LPL: variants seen among roughly 807,000 people sequenced by gnomAD.
LPL encodes phospholipase A1.
LPL carries 43 observed loss-of-function variants against 52.2 expected under a neutral mutation model. The observed-to-expected ratio is 0.82, with a 90% CI of 0.64 to 1.06. LPL has a LOEUF of 1.06. Ranked by LOEUF, LPL falls within the 50% of genes least tolerant of loss-of-function variation. The pLI, the probability that LPL is intolerant of heterozygous loss-of-function variation, is 0.00. For synonymous variants in LPL, 244 were observed against 215.6 expected, an observed-to-expected ratio of 1.13 and a Z score of -1.15; for missense variants, 639 against 585.3, an observed-to-expected ratio of 1.09 and a Z score of -0.95.
chr8:19,939,934 C>T lies in LPL; in HGVS notation c.88+406C>T, dbSNP rs976126905. ...GCCGGAGGGGCCCTGGAATGAAAGG[C>T]GCGCGGGCCAAGGTGACCTCGCCTT... On this transcript the variant is annotated intron_variant, in intron 1 of 9. Transcript: ENST00000650287. The surrounding 1 kb of genome is among the most constrained non-coding windows in gnomAD (Gnocchi z 4.0). 3.9e-5 allele frequency among the ~76,000 whole-genome samples: 6 copies of T among 152,202 alleles called. No homozygotes were observed. Among genetic ancestry groups the T allele is most frequent in the African/African-American group, 1.2e-4 (5 of 41,468 alleles).
rs2069929488 is a variant in LPL at position 19,950,947 on chromosome 8, A to AGGG, written c.250-822_250-821insGGG. ...GAAGGAAGGAAGGGAGGGAGGAAGA[A>AGGG]AGGAAGGAAGAACAAAGAAAAGAGA... On this transcript the variant is annotated intron_variant, in intron 2 of 9. Transcript: ENST00000650287. This position sits in a 1 kb window ranked among gnomAD's most constrained non-coding sequence, Gnocchi z 4.2. Among the ~76,000 whole-genome samples, 2 of 147,396 alleles carry AGGG rather than the reference A, an allele frequency of 1.4e-5. No homozygotes were observed. Among genetic ancestry groups the AGGG allele is most frequent in the African/African-American group, 2.4e-5 (1 of 41,034 alleles).
At chr8:19,960,785 T>G in intron 7 of LPL, 116 bp from the exon 8 acceptor site, 2 of 758,602 alleles carry the variant, frequency 2.6e-6, no homozygotes, top group Non-Finnish European at 4.5e-6. Flanking sequence ...TTTTTGTGCA[T>G]TTTTAAAATA....
chr8:19,962,143 T>C lies in LPL; in HGVS notation c.1351T>C (p.Ser451Pro). 6.2e-7 allele frequency: 1 copy of C among 1,613,750 alleles called. No homozygotes were observed. Among genetic ancestry groups the C allele is most frequent in the Non-Finnish European group, 8.5e-7 (1 of 1,179,692 alleles). ...KVIFCSREKV[S>P]HLQKGKAPAV... The stretch of plus-strand genomic sequence containing the variant: ...GATCTTCTGTTCTAGGGAGAAAGTG[T>C]CTCATTTGCAGAAAGGAAAGGCACC... Residue 451 changes from serine (S) to proline (P), a missense_variant, in exon 9 of 10, where the codon TCT becomes CCT. Coordinates refer to ENST00000650287, the MANE Select transcript of LPL (RefSeq NM_000237.3).
intron 3 of LPL, among the ~76,000 whole-genome samples, chr8:19,952,745 G>T (rs1224485091): frequency 6.6e-6 from 1 of 152,144 alleles, no homozygotes; most frequent in Non-Finnish European, 1.5e-5. Flanking sequence ...TAAATGAGGG[G>T]CTGGACCATG....
chr8:19,959,355 G>A lies in LPL; in HGVS notation c.1114G>A (p.Glu372Lys), dbSNP rs753984721. 9 of 1,614,102 alleles carry A rather than the reference G, an allele frequency of 5.6e-6. No homozygotes were observed. Among genetic ancestry groups the A allele is most frequent in the Non-Finnish European group, 7.6e-6 (9 of 1,180,010 alleles). ...GATTTCTCTGTATGGCACCGTGGCC[G>A]AGAGTGAGAACATCCCATTCACTCT... is the stretch of plus-strand genomic sequence containing the variant. ...FEISLYGTVA[E>K]SENIPFTLPE... Residue 372 changes from glutamate to lysine, a missense_variant, in exon 7 of 10, where the codon GAG (glutamate) becomes AAG (lysine). Coordinates refer to ENST00000650287, the MANE Select transcript of LPL (RefSeq NM_000237.3).
intron 3 of LPL, 49 bp downstream of exon 3, chr8:19,951,997 T>C: frequency 6.3e-7 from 1 of 1,599,296 alleles, no homozygotes; most frequent in Non-Finnish European, 8.6e-7. Flanking sequence ...TGTTTTTGAC[T>C]GGAGCCAGAA....
chr8:19,940,988 A>G (rs1158789218), intron 1 of LPL, among the ~76,000 whole-genome samples: 1 of 152,164 alleles, frequency 6.6e-6, no homozygotes, highest in Non-Finnish European at 1.5e-5. Context: ...CCAGATAGTC[A>G]GCAGGCTGAG....
chr8:19,948,832 T>G (rs1207823459), intron 2 of LPL, among the ~76,000 whole-genome samples: 1 of 151,978 alleles, frequency 6.6e-6, no homozygotes, highest in African/African-American at 2.4e-5. Flanking sequence ...TCTCTGGGCC[T>G]CCATTTACTG....
chr8:19,964,226 A>G (rs184858321), intron 9 of LPL, among the ~76,000 whole-genome samples: 1 of 152,276 alleles, frequency 6.6e-6, no homozygotes, highest in Admixed American at 6.5e-5. Flanking sequence ...TGCTGGGATT[A>G]TAGGTGTGAG....
intron 4 of LPL, among the ~76,000 whole-genome samples, 179 bp downstream of exon 4, chr8:19,953,600 T>C (rs1295094724): frequency 6.6e-6 from 1 of 152,166 alleles, no homozygotes; most frequent in Non-Finnish European, 1.5e-5. Flanking sequence ...ACACAGACGC[T>C]CTCACTGGCT....
At chr8:19,941,218 A>G (rs1466499097) in intron 1 of LPL, among the ~76,000 whole-genome samples, 2 of 152,254 alleles carry the variant, frequency 1.3e-5, no homozygotes, top group Admixed American at 6.5e-5. Flanking sequence ...AAAGTCTTCA[A>G]CATCTTAGGT....
In LPL at chr8:19,940,010, G is replaced by T. The variant is rs537278368; in HGVS notation, c.88+482G>T. On this transcript the variant is annotated intron_variant, in intron 1 of 9. Transcript: ENST00000650287. Reference sequence around the variant, plus strand: ...CCCGGGGACTCGCGGGCCGACTGTGGCCCCTTCTGGGGAAGCCGGGGCGCG... The same window carrying T: ...CCCGGGGACTCGCGGGCCGACTGTGTCCCCTTCTGGGGAAGCCGGGGCGCG... Among the ~76,000 whole-genome samples the T allele has an allele frequency of 2.4e-4, 37 of 152,320 alleles. 1 individual carries two copies. In the East Asian group the frequency reaches 7.2e-3, roughly 30 times the overall value.
At chr8:19,956,685 C>T (rs1340221100) in intron 6 of LPL, among the ~76,000 whole-genome samples, 1 of 152,130 alleles carries the variant, frequency 6.6e-6, no homozygotes, top group African/African-American at 2.4e-5. Flanking sequence ...CACAGCCACA[C>T]ACATTCATTA....
At chr8:19,946,422 TACTC>T (rs1054995684) in intron 1 of LPL, 10 of 166,774 alleles carry the variant, frequency 6.0e-5, no homozygotes, top group Middle Eastern at 8.1e-4. Context: ...AGAAAATAAT[TACTC>T]AATAGGAAAA....
intron 2 of LPL, chr8:19,951,564 C>G (rs1332653939): frequency 1.5e-6 from 1 of 666,728 alleles, no homozygotes. Context: ...CTCAACTCAA[C>G]TCAATGCCTT....
intron 1 of LPL, among the ~76,000 whole-genome samples, chr8:19,940,837 T>A (rs2069832027): frequency 6.6e-6 from 1 of 152,110 alleles, no homozygotes; most frequent in Non-Finnish European, 1.5e-5. Context: ...ACCCATGTAG[T>A]CCCAGCACTT....
chr8:19,962,536 G>T (rs1224323630), intron 9 of LPL, among the ~76,000 whole-genome samples: 1 of 151,988 alleles, frequency 6.6e-6, no homozygotes, highest in Non-Finnish European at 1.5e-5. Flanking sequence ...CTGCGTCTCT[G>T]CTGACTTTGC....
intron 2 of LPL, among the ~76,000 whole-genome samples, chr8:19,948,959 G>T (rs1217489353): frequency 1.1e-4 from 16 of 151,864 alleles, no homozygotes; most frequent in Admixed American, 9.8e-4. Context: ...GCTGGGCAGG[G>T]AACTGACATG....
At chr8:19,959,204 G>A in intron 6 of LPL, 56 bp from the exon 7 acceptor site, 1 of 1,611,596 alleles carries the variant, frequency 6.2e-7, no homozygotes, top group Non-Finnish European at 8.5e-7. Context: ...TGACTATTTG[G>A]GGTTGTGATA....
Sources: allele counts gnomAD v4.1 joint callset (sites outside exome capture counted in the v4.1 genomes callset), GRCh38; gene constraint gnomAD v4.1.1; non-coding constraint Gnocchi (gnomAD v3.1); transcripts MANE v1.5; gene names NCBI Gene and HGNC (gene_info 2026-07-23, HGNC 2026-07-21).